GDPD5: variants seen among roughly 807,000 people sequenced by gnomAD.
The protein encoded by GDPD5 is glycerophosphodiester phosphodiesterase domain containing 5.
GDPD5 carries 48 observed loss-of-function variants against 75.1 expected under a neutral mutation model. The observed-to-expected ratio is 0.64, with a 90% confidence interval of 0.51 to 0.81. GDPD5 has a LOEUF of 0.81. GDPD5 is among the 40% of genes least tolerant of loss of function. The pLI is 0.00. For missense variants in GDPD5, 706 were observed against 822.6 expected, an observed-to-expected ratio of 0.86 and a Z score of 1.73; for synonymous variants, 336 against 339.0, an observed-to-expected ratio of 0.99 and a Z score of 0.10.
chr11:75,521,922 C>G (rs555220899), intron 1 of GDPD5, among the ~76,000 whole-genome samples: 1 of 152,264 alleles, frequency 6.6e-6, no homozygotes, highest in East Asian at 1.9e-4. Context: ...TAACTAGGGC[C>G]TGGTCTTCAT....
At chr11:75,458,398 G>T (rs1949338115) in intron 4 of GDPD5, among the ~76,000 whole-genome samples, 1 of 152,246 alleles carries the variant, frequency 6.6e-6, no homozygotes, top group Non-Finnish European at 1.5e-5. Flanking sequence ...TTGAAGCCAG[G>T]TGTGGTGGCT....
chr11:75,505,780 G>A (rs1950384213), intron 1 of GDPD5, among the ~76,000 whole-genome samples: 1 of 152,134 alleles, frequency 6.6e-6, no homozygotes, highest in African/African-American at 2.4e-5. Context: ...ATTTGTGATA[G>A]GGCCATAATT....
rs553235118 is a variant in GDPD5, at chr11:75,455,429, C to T, written c.375+1328G>A. 1.3e-5 allele frequency: 6 copies of T among 453,772 alleles called. No individual in the cohort carries two copies. The Admixed American group carries it at 1.4e-4, about 11-fold the overall frequency. 28.1% of individuals were successfully genotyped at this position (453,772 alleles called of 1,614,324 possible). A position where few individuals can be genotyped will look rare whatever the true frequency, so the allele number is the denominator to read the frequency against. The stretch of plus-strand genomic sequence containing the variant: ...CACGGCTCCTACCACTCTAAGACTT[C>T]AGTCTCTGGGGTCTGACTCCCAAGC... On this transcript the variant is annotated intron_variant, in intron 6 of 16. Coordinates refer to ENST00000336898, the MANE Select transcript of GDPD5 (RefSeq NM_030792.8).
intron 4 of GDPD5, among the ~76,000 whole-genome samples, chr11:75,461,286 T>C (rs1949407389): frequency 6.6e-6 from 1 of 152,148 alleles, no homozygotes; most frequent in African/African-American, 2.4e-5. Context: ...ACAGTGCCCA[T>C]GCTTTGGACA....
At chr11:75,490,055 A>G (rs1027372483) in intron 2 of GDPD5, among the ~76,000 whole-genome samples, 182 bp downstream of exon 2, 3 of 152,228 alleles carry the variant, frequency 2.0e-5, no homozygotes, top group African/African-American at 7.2e-5. Context: ...CGCTGTACTA[A>G]GCAAGAGACA....
At chr11:75,467,085 G>A (rs948083366) in intron 3 of GDPD5, among the ~76,000 whole-genome samples, 2 of 152,114 alleles carry the variant, frequency 1.3e-5, no homozygotes, top group Non-Finnish European at 2.9e-5. Flanking sequence ...GGCTCAAAAG[G>A]TCTCCCCTCC....
At chr11:75,516,477 C>T (rs1293802897) in intron 1 of GDPD5, among the ~76,000 whole-genome samples, 1 of 152,224 alleles carries the variant, frequency 6.6e-6, no homozygotes, top group African/African-American at 2.4e-5. Flanking sequence ...CTGTCCAGTC[C>T]TCAGAGCCTC....
chr11:75,477,744 C>T lies in GDPD5; in HGVS notation c.-9G>A. The T allele has an allele frequency of 1.3e-6, 2 of 1,548,724 alleles. No homozygotes were observed. The highest frequency in any genetic ancestry group is 1.8e-6 in the Non-Finnish European group (2 of 1,136,240). On this transcript the variant is annotated 5_prime_UTR_variant, in exon 3 of 17. Coordinates refer to ENST00000336898, the MANE Select transcript of GDPD5 (RefSeq NM_030792.8). The stretch of plus-strand genomic sequence containing the variant: ...GGCTGGTGTCTCACCATACTCGTGC[C>T]CACGGCCCTGGCGCCTGGCCCTCAG...
At chr11:75,442,928 G>A in intron 11 of GDPD5, 1 of 638,168 alleles carries the variant, frequency 1.6e-6, no homozygotes, top group Admixed American at 2.5e-5. Flanking sequence ...CTTTTCTAGT[G>A]AGGGAAATGG....
chr11:75,439,643 C>G (rs183492152), intron 15 of GDPD5, among the ~76,000 whole-genome samples: 16 of 152,294 alleles, frequency 1.1e-4, no homozygotes, highest in Admixed American at 2.6e-4. Context: ...TTCACCTAAG[C>G]CCACATAGCC....
At chr11:75,483,135 C>G (rs900452816) in intron 2 of GDPD5, among the ~76,000 whole-genome samples, 1 of 152,142 alleles carries the variant, frequency 6.6e-6, no homozygotes, top group Non-Finnish European at 1.5e-5. Context: ...CAAGCTACGT[C>G]CCAGGGCTGC....
chr11:75,477,865 T>C, intron 2 of GDPD5, 70 bp from the exon 3 acceptor site: 1 of 565,918 alleles, frequency 1.8e-6, no homozygotes, highest in East Asian at 3.0e-5. Flanking sequence ...AGCAAGTCAT[T>C]GTAGCCTAGG....
rs190933611 is a variant in GDPD5, at chr11:75,517,741, G to A, written c.-145+7469C>T. Among the ~76,000 whole-genome samples, 8 of 152,162 alleles carry A rather than the reference G, an allele frequency of 5.3e-5. No homozygotes were observed. The East Asian group carries it at 1.5e-3, about 29-fold the overall frequency. On this transcript the variant is annotated intron_variant, in intron 1 of 16. Coordinates refer to ENST00000336898, the MANE Select transcript of GDPD5 (RefSeq NM_030792.8). ...CACAGCAGAGTTGGATGACTTAAGT[G>A]GGGTCAATTATCGGTGAGGATTTGC...
intron 1 of GDPD5, among the ~76,000 whole-genome samples, chr11:75,493,317 C>A (rs913041759): frequency 2.6e-5 from 4 of 151,648 alleles, no homozygotes; most frequent in Non-Finnish European, 5.9e-5. Flanking sequence ...CTCATGTGAC[C>A]TGTAATCCTA....
chr11:75,495,224 G>A (rs1415034793), intron 1 of GDPD5, among the ~76,000 whole-genome samples: 3 of 151,526 alleles, frequency 2.0e-5, no homozygotes, highest in African/African-American at 4.9e-5. Context: ...CCAAGATTAC[G>A]CCCACTGCAC....
intron 3 of GDPD5, among the ~76,000 whole-genome samples, chr11:75,474,786 G>A (rs185888580): frequency 1.2e-4 from 19 of 152,334 alleles, no homozygotes; most frequent in East Asian, 1.9e-4. Flanking sequence ...GGGAAACACT[G>A]AGGATTCCAA....
intron 1 of GDPD5, among the ~76,000 whole-genome samples, chr11:75,502,743 C>T (rs1458861275): frequency 6.6e-6 from 1 of 152,196 alleles, no homozygotes; most frequent in Non-Finnish European, 1.5e-5. Flanking sequence ...CACCAGGACA[C>T]TCCTACTAGA....
intron 3 of GDPD5, among the ~76,000 whole-genome samples, chr11:75,475,711 A>T (rs1949764101): frequency 6.6e-6 from 1 of 152,130 alleles, no homozygotes; most frequent in Admixed American, 6.5e-5. Flanking sequence ...GGGTCACCTG[A>T]GGTGAGCTCA....
chr11:75,520,756 G>C (rs1407168815), intron 1 of GDPD5, among the ~76,000 whole-genome samples: 4 of 152,242 alleles, frequency 2.6e-5, no homozygotes, highest in African/African-American at 9.6e-5. Context: ...CCCAGTGTGT[G>C]TTTGCCACCA....
Sources: gnomAD v4.1 joint callset for allele counts (sites outside exome capture counted in the v4.1 genomes callset) on GRCh38, gnomAD v4.1.1 for gene constraint, MANE v1.5 for transcripts, NCBI Gene and HGNC (gene_info 2026-07-23, HGNC 2026-07-21) for gene names.